MYO9A: variants seen among roughly 807,000 people sequenced by gnomAD.
MYO9A encodes myosin IXA, also known as unconventional myosin-IXa.
MYO9A carries 103 observed loss-of-function variants against 293.3 expected under a neutral mutation model. The observed-to-expected ratio is 0.35, with a 90% CI of 0.30 to 0.41. The LOEUF (loss-of-function observed/expected upper bound fraction) is 0.41. Ranked by LOEUF, MYO9A falls within the 10% of genes least tolerant of loss-of-function variation. MYO9A has a pLI of 1.00. For missense variants in MYO9A, 2,685 were observed against 3,033.0 expected (o/e 0.89, Z 2.69); for synonymous variants, 1,001 against 1,035.7 (o/e 0.97, Z 0.64).
intron 26 of MYO9A, chr15:71,889,585 A>G: frequency 6.6e-6 from 1 of 151,438 alleles, no homozygotes. Flanking sequence ...CCTTCTGAGT[A>G]GCTGGGACTA....
At chr15:72,008,492 G>A (rs2077082545) in intron 7 of MYO9A, among the ~76,000 whole-genome samples, 1 of 148,606 alleles carries the variant, frequency 6.7e-6, no homozygotes, top group African/African-American at 2.5e-5. Context: ...GTAAATGGGT[G>A]TGTGTGTGTG....
rs1165080900 is a variant in MYO9A, at chr15:71,833,720, A to G, written c.6838-3409T>C. Among the ~76,000 whole-genome samples the G allele has an allele frequency of 2.0e-5, 3 of 152,124 alleles. 1 individual carries two copies. The highest frequency in any genetic ancestry group is 4.4e-5 in the Non-Finnish European group (3 of 67,990). ...TAAAGTAATTTAAAACAAGTTTTCT[A>G]ATAATGTAGTTACAAAGAGAAAATT... On this transcript the variant is annotated intron_variant, in intron 39 of 41. Coordinates refer to ENST00000356056, the MANE Select transcript of MYO9A (RefSeq NM_006901.4).
chr15:71,891,871 A>C (rs1185036097), intron 26 of MYO9A: 2 of 152,204 alleles, frequency 1.3e-5, no homozygotes, highest in Non-Finnish European at 2.9e-5. Context: ...AATTAATTAG[A>C]TCTTTGACAA....
chr15:71,919,089 A>T (rs1475651481), intron 18 of MYO9A, among the ~76,000 whole-genome samples: 2 of 152,180 alleles, frequency 1.3e-5, no homozygotes, highest in African/African-American at 2.4e-5. Context: ...TGCACATAAT[A>T]TCATCTAAAT....
rs530764697 is a variant in MYO9A, at chr15:72,037,999, C to T, written c.841-5411G>A. On this transcript the variant is annotated intron_variant, in intron 2 of 41. Transcript: ENST00000356056. The stretch of plus-strand genomic sequence containing the variant: ...GCACCATCACAGCTCAGTGGAGCCT[C>T]AACTTCCTGAGCTCAAGCCATCCTC... Among the ~76,000 whole-genome samples, 79 of 151,792 alleles carry T rather than the reference C, an allele frequency of 5.2e-4. 1 individual carries two copies. Among genetic ancestry groups the T allele is most frequent in the African/African-American group, 1.7e-3 (70 of 41,344 alleles).
At chr15:71,995,015 A>G (rs1477774633) in intron 9 of MYO9A, among the ~76,000 whole-genome samples, 1 of 152,246 alleles carries the variant, frequency 6.6e-6, no homozygotes, top group East Asian at 1.9e-4. Flanking sequence ...TACAGGCGTG[A>G]GCCACCGCAC....
In MYO9A at chr15:71,880,502, G is replaced by C. The variant is rs749027784; in HGVS notation, c.5455C>G (p.Arg1819Gly). ...TCTTTGTTCTCTTTGAATTCCTTCC[G>C]GCAACTGCCGGGCAGTTCTGGGCTC... ...PLSPELPGSC[R>G]KEFKENKEPS... The change falls in exon 29 of 42, where the codon CGG (arginine) becomes GGG (glycine). Residue 1819 changes from arginine to glycine, a missense_variant. Coordinates refer to ENST00000356056, the MANE Select transcript of MYO9A (RefSeq NM_006901.4). The C allele has an allele frequency of 1.2e-5, 19 of 1,614,048 alleles. No homozygotes were observed. Among genetic ancestry groups the C allele is most frequent in the East Asian group, 6.7e-5 (3 of 44,896 alleles).
chr15:71,874,101 T>A (rs926710019), intron 32 of MYO9A, among the ~76,000 whole-genome samples: 2 of 152,172 alleles, frequency 1.3e-5, no homozygotes, highest in Non-Finnish European at 2.9e-5. Context: ...ATTCTGTACT[T>A]GTGAAAAGGC....
At chr15:71,900,847 A>G (rs2057462130) in intron 23 of MYO9A, among the ~76,000 whole-genome samples, 1 of 152,200 alleles carries the variant, frequency 6.6e-6, no homozygotes, top group Non-Finnish European at 1.5e-5. Context: ...TCTAAAACCA[A>G]CGGTATATAT....
chr15:71,841,172 A>G (rs926720951), intron 39 of MYO9A, among the ~76,000 whole-genome samples: 1 of 152,246 alleles, frequency 6.6e-6, no homozygotes, highest in African/African-American at 2.4e-5. Flanking sequence ...GTATATAATC[A>G]TAATGGAAAT....
chr15:71,830,973 CTTTTTTTTTT>C (rs67440366), intron 39 of MYO9A, among the ~76,000 whole-genome samples: 1 of 103,080 alleles, frequency 9.7e-6, no homozygotes, highest in African/African-American at 3.9e-5. Context: ...CTGCTTCTTC[CTTTTTTTTTT>C]TTTTTTTTTT....
At chr15:72,028,906 G>T (rs1053079577) in intron 3 of MYO9A, among the ~76,000 whole-genome samples, 1 of 152,180 alleles carries the variant, frequency 6.6e-6, no homozygotes, top group Non-Finnish European at 1.5e-5. Flanking sequence ...GGAAATAAGT[G>T]ATCTACTGCC....
chr15:71,837,833 T>C (rs1198953169), intron 39 of MYO9A, among the ~76,000 whole-genome samples: 3 of 152,164 alleles, frequency 2.0e-5, no homozygotes, highest in East Asian at 1.9e-4. Context: ...TTGTATACCA[T>C]TGGTTTTAAA....
At chr15:71,943,829 A>G (rs925618952) in intron 15 of MYO9A, among the ~76,000 whole-genome samples, 5 of 152,108 alleles carry the variant, frequency 3.3e-5, no homozygotes, top group African/African-American at 1.2e-4. Context: ...CACTTTAGAG[A>G]TTCATACGTA....
At chr15:71,979,891 T>G (rs1422605688) in intron 11 of MYO9A, among the ~76,000 whole-genome samples, 1 of 152,234 alleles carries the variant, frequency 6.6e-6, no homozygotes, top group African/African-American at 2.4e-5. Context: ...GAATTTTCAT[T>G]TCTAAAAAGG....
chr15:72,046,507 C>T lies in MYO9A; in HGVS notation c.57G>A (p.Arg19=), dbSNP rs760144257. ...CTTCTGAAATAGCCCCAGGATATAT[C>T]CGTAATGTATGTTCATTATCTTCAA... The part of the protein sequence containing the change: ...RRFEDNEHTL[R]IYPGAISEGT... The change falls in exon 2 of 42, where the codon CGG becomes CGA. Residue 19 remains arginine, a synonymous_variant. Transcript: ENST00000356056. The T allele has an allele frequency of 3.1e-6, 5 of 1,613,322 alleles. No individual in the cohort carries two copies. The highest frequency in any genetic ancestry group is 4.2e-6 in the Non-Finnish European group (5 of 1,179,748).
intron 2 of MYO9A, among the ~76,000 whole-genome samples, chr15:72,043,230 TGA>T (rs1263220322): frequency 2.6e-5 from 4 of 152,064 alleles, no homozygotes; most frequent in Admixed American, 2.0e-4. Flanking sequence ...TCAAAAATAT[TGA>T]GAGATAAATC....
chr15:71,969,721 A>G (rs2075963731), intron 12 of MYO9A, among the ~76,000 whole-genome samples: 1 of 152,232 alleles, frequency 6.6e-6, no homozygotes, highest in Non-Finnish European at 1.5e-5. Context: ...GAAGGAAGAT[A>G]GACATGAAAA....
At chr15:72,100,160 A>G (rs952433292) in intron 1 of MYO9A, among the ~76,000 whole-genome samples, 4 of 152,110 alleles carry the variant, frequency 2.6e-5, no homozygotes, top group African/African-American at 7.2e-5. Context: ...AGGCGGGCGG[A>G]TCACCTGACG....
Sources: gnomAD v4.1 joint callset for allele counts (sites outside exome capture counted in the v4.1 genomes callset) on GRCh38, gnomAD v4.1.1 for gene constraint, MANE v1.5 for transcripts, NCBI Gene and HGNC (gene_info 2026-07-23, HGNC 2026-07-21) for gene names.